The following JAZF1 variants were observed in gnomAD, a reference collection of about 807,000 sequenced individuals.
JAZF1 encodes JAZF zinc finger 1.
JAZF1 carries 8 observed loss-of-function variants against 26.4 expected under a neutral mutation model. The observed-to-expected ratio is 0.30, with a 90% CI of 0.18 to 0.55. The LOEUF (loss-of-function observed/expected upper bound fraction) is 0.55. JAZF1 is among the 20% of genes least tolerant of loss of function. The probability of loss-of-function intolerance (pLI) is 0.94; values close to 1 mark genes in which losing one functional copy is unlikely to be tolerated. For synonymous variants in JAZF1, 126 were observed against 122.3 expected (o/e 1.03, Z -0.20); for missense variants, 199 against 322.0 (o/e 0.62, Z 2.92).
At chr7:28,141,922 A>C (rs548356195) in intron 1 of JAZF1, among the ~76,000 whole-genome samples, 1 of 152,290 alleles carries the variant, frequency 6.6e-6, no homozygotes, top group South Asian at 2.1e-4. Flanking sequence ...ATAACCTCTT[A>C]TTGGGTTTAC....
intron 1 of JAZF1, among the ~76,000 whole-genome samples, chr7:28,114,362 T>G (rs774679753): frequency 6.6e-6 from 1 of 151,954 alleles, no homozygotes; most frequent in Non-Finnish European, 1.5e-5. Flanking sequence ...CCCTGAAAAC[T>G]AGAACTCACT....
At chr7:28,130,434 C>T (rs1470164952) in intron 1 of JAZF1, among the ~76,000 whole-genome samples, 1 of 152,132 alleles carries the variant, frequency 6.6e-6, no homozygotes, top group African/African-American at 2.4e-5. Flanking sequence ...TCATCATAAA[C>T]TGAGAGCTAA....
intron 2 of JAZF1, among the ~76,000 whole-genome samples, chr7:27,989,605 T>C (rs567701423): frequency 2.0e-5 from 3 of 152,178 alleles, no homozygotes; most frequent in South Asian, 4.2e-4. Context: ...CAAACAACCC[T>C]ATCAAAAAGT....
At chr7:27,970,196 G>C (rs1785351768) in intron 2 of JAZF1, among the ~76,000 whole-genome samples, 2 of 152,210 alleles carry the variant, frequency 1.3e-5, no homozygotes, top group South Asian at 4.1e-4. Context: ...ACACAGGGCA[G>C]TGTGATGAAG....
intron 3 of JAZF1, among the ~76,000 whole-genome samples, chr7:27,882,951 G>A (rs575918966): frequency 7.9e-5 from 12 of 152,220 alleles, no homozygotes; most frequent in South Asian, 6.2e-4. Context: ...AGTCTCGGGC[G>A]TCTGTTTGTT....
Position 28,020,181 on chromosome 7 carries a change from C to T in JAZF1, c.116-28200G>A, listed in dbSNP as rs77207825. On this transcript the variant is annotated intron_variant, in intron 1 of 4. Transcript: ENST00000283928. ...ATTTTTTCCTCATGCTGAAACCCTC[C>T]TTAGATAAGAGATAAAACTATGCTG... is the stretch of plus-strand genomic sequence containing the variant. 0.025 allele frequency among the ~76,000 whole-genome samples: 3,832 copies of T among 152,218 alleles called. 314 individuals are homozygous for T. The East Asian group carries it at 0.32, about 13-fold the overall frequency.
chr7:28,096,008 T>C (rs1055488617), intron 1 of JAZF1, among the ~76,000 whole-genome samples: 10 of 151,772 alleles, frequency 6.6e-5, no homozygotes, highest in African/African-American at 2.4e-4. Flanking sequence ...ACCTTCATCA[T>C]CCCCTCAAAG....
intron 1 of JAZF1, among the ~76,000 whole-genome samples, chr7:28,064,753 T>G (rs1169286013): frequency 1.3e-5 from 2 of 152,156 alleles, no homozygotes; most frequent in African/African-American, 2.4e-5. Context: ...TTTGTTTTCC[T>G]CTAAAAACTG....
intron 1 of JAZF1, among the ~76,000 whole-genome samples, chr7:28,062,548 C>T (rs1201491312): frequency 1.5e-5 from 2 of 136,176 alleles, no homozygotes; most frequent in East Asian, 2.2e-4. Flanking sequence ...GGCCTTGTGC[C>T]CACCGTGATA....
intron 1 of JAZF1, among the ~76,000 whole-genome samples, chr7:28,058,548 A>T (rs1428890143): frequency 1.3e-5 from 2 of 152,184 alleles, no homozygotes. Context: ...TTCCTAGTTT[A>T]ACCAACTTGA....
intron 2 of JAZF1, among the ~76,000 whole-genome samples, chr7:27,900,045 C>A (rs1784140666): frequency 6.6e-6 from 1 of 152,136 alleles, no homozygotes; most frequent in Non-Finnish European, 1.5e-5. Context: ...CTGTGTGGGA[C>A]CACTGGGCTC....
At chr7:28,123,852 C>T (rs1782647632) in intron 1 of JAZF1, among the ~76,000 whole-genome samples, 1 of 152,120 alleles carries the variant, frequency 6.6e-6, no homozygotes, top group Non-Finnish European at 1.5e-5. Flanking sequence ...ATCAAGGGGG[C>T]AGGTAATATT....
intron 1 of JAZF1, among the ~76,000 whole-genome samples, chr7:28,176,421 G>A (rs1002221404): frequency 1.3e-4 from 20 of 152,242 alleles, no homozygotes; most frequent in African/African-American, 3.8e-4. Flanking sequence ...CACCTCCTTC[G>A]AGGTTTTGTC....
chr7:28,135,300 G>A lies in JAZF1; in HGVS notation c.115+45163C>T, dbSNP rs138560018. On this transcript the variant is annotated intron_variant, in intron 1 of 4. Coordinates refer to ENST00000283928, the MANE Select transcript of JAZF1 (RefSeq NM_175061.4). ...TGGCTTGATACCTAACAAGCAGGCT[G>A]TGTTGCTACCACAAACATTAACTAA... Among the ~76,000 whole-genome samples the A allele has an allele frequency of 6.6e-5, 10 of 152,324 alleles. No homozygotes were observed. The East Asian group carries it at 1.9e-3, about 29-fold the overall frequency.
At chr7:27,914,744 C>G (rs1215856844) in intron 2 of JAZF1, 1 of 471,064 alleles carries the variant, frequency 2.1e-6, no homozygotes, top group African/African-American at 2.0e-5. Flanking sequence ...CATTTCCACA[C>G]AGGGGCCTCT....
intron 1 of JAZF1, among the ~76,000 whole-genome samples, chr7:28,157,588 G>T (rs1243528262): frequency 6.6e-6 from 1 of 152,192 alleles, no homozygotes; most frequent in Non-Finnish European, 1.5e-5. Context: ...CCCAAGGGCA[G>T]CAATTTGCCA....
chr7:28,125,626 A>C (rs1352759199), intron 1 of JAZF1, among the ~76,000 whole-genome samples: 3 of 152,078 alleles, frequency 2.0e-5, no homozygotes, highest in Non-Finnish European at 4.4e-5. Flanking sequence ...TGATACAAAA[A>C]ATCCCCTGAT....
chr7:28,056,450 AC>A (rs1471130279), intron 1 of JAZF1, among the ~76,000 whole-genome samples: 4 of 143,918 alleles, frequency 2.8e-5, no homozygotes, highest in Non-Finnish European at 6.2e-5. Context: ...ACACACACAC[AC>A]ACACACACAC....
rs1271743205 is a variant in JAZF1 at position 27,831,210 on chromosome 7, A to G, written c.*1590T>C. On this transcript the variant is annotated 3_prime_UTR_variant, in exon 5 of 5. Coordinates refer to ENST00000283928, the MANE Select transcript of JAZF1 (RefSeq NM_175061.4). ...ATCCCTCATAATGAAGGATTTTAGAACTTATGAATATAGAGGTTTACTCAT... is the reference window on the plus strand; with the variant it reads ...ATCCCTCATAATGAAGGATTTTAGAGCTTATGAATATAGAGGTTTACTCAT... The G allele has an allele frequency of 4.5e-6, 1 of 222,394 alleles. No homozygotes were observed. Among genetic ancestry groups the G allele is most frequent in the African/African-American group, 2.3e-5 (1 of 43,780 alleles). 13.8% of individuals were successfully genotyped at this position (222,394 alleles called of 1,614,324 possible).
Sources: gnomAD v4.1 joint callset for allele counts (sites outside exome capture counted in the v4.1 genomes callset) on GRCh38, gnomAD v4.1.1 for gene constraint, MANE v1.5 for transcripts, NCBI Gene and HGNC (gene_info 2026-07-23, HGNC 2026-07-21) for gene names.